SSH2: variants seen among roughly 807,000 people sequenced by gnomAD.
SSH2 encodes the protein slingshot protein phosphatase 2, also known as protein phosphatase Slingshot homolog 2.
In SSH2, 37 loss-of-function variants were observed where a neutral mutation model predicts 135.2. That is an observed-to-expected ratio of 0.27 (90% CI 0.21 to 0.36). The LOEUF (loss-of-function observed/expected upper bound fraction) is 0.36. Among genes scored for constraint, SSH2 ranks in the 10% least tolerant of loss-of-function variants. SSH2 has a pLI of 1.00. For missense variants in SSH2, 1,408 were observed against 1,765.3 expected, an observed-to-expected ratio of 0.80 and a Z score of 3.63; for synonymous variants, 628 against 646.2, an observed-to-expected ratio of 0.97 and a Z score of 0.43.
At chr17:29,888,126 T>C (rs1467953456) in intron 1 of SSH2, among the ~76,000 whole-genome samples, 2 of 152,144 alleles carry the variant, frequency 1.3e-5, no homozygotes, top group Admixed American at 6.5e-5. Context: ...TAGTCCCAGC[T>C]ACTCAGGAGG....
chr17:29,925,571 A>G (rs2067049502), intron 1 of SSH2: 1 of 398,228 alleles, frequency 2.5e-6, no homozygotes, highest in Admixed American at 4.4e-5. Context: ...AAGAAAAAAA[A>G]TTAAAATTAG....
intron 1 of SSH2, among the ~76,000 whole-genome samples, chr17:29,868,331 C>A (rs1244462375): frequency 1.3e-5 from 2 of 152,112 alleles, no homozygotes; most frequent in African/African-American, 4.8e-5. Flanking sequence ...CACATTTTGT[C>A]CTAGTCTGCC....
chr17:29,905,078 T>C (rs2066628646), intron 1 of SSH2, among the ~76,000 whole-genome samples: 1 of 152,196 alleles, frequency 6.6e-6, no homozygotes, highest in African/African-American at 2.4e-5. Flanking sequence ...CTTAAAGTAA[T>C]TAATAGATTC....
At chr17:29,832,814 G>A (rs1465030507) in intron 2 of SSH2, among the ~76,000 whole-genome samples, 1 of 152,054 alleles carries the variant, frequency 6.6e-6, no homozygotes, top group East Asian at 1.9e-4. Context: ...TCACAGGTGT[G>A]CACCACCACA....
At chr17:29,845,368 G>C (rs1329641012) in intron 2 of SSH2, among the ~76,000 whole-genome samples, 1 of 152,126 alleles carries the variant, frequency 6.6e-6, no homozygotes. Context: ...ATTTGACATG[G>C]GGGTGGGAAC....
chr17:29,634,942 A>G (rs942653282), intron 15 of SSH2, among the ~76,000 whole-genome samples: 2 of 151,662 alleles, frequency 1.3e-5, no homozygotes, highest in Non-Finnish European at 2.9e-5. Flanking sequence ...ACACTCTGTC[A>G]TCCAAGCTGG....
chr17:29,803,418 CA>C (rs1000146532), intron 2 of SSH2, among the ~76,000 whole-genome samples: 3 of 152,132 alleles, frequency 2.0e-5, no homozygotes, highest in Non-Finnish European at 4.4e-5. Flanking sequence ...AGTGCCTAAA[CA>C]TGATTTCTAA....
At chr17:29,654,563 T>C (rs1403029373) in intron 12 of SSH2, among the ~76,000 whole-genome samples, 3 of 152,206 alleles carry the variant, frequency 2.0e-5, no homozygotes, top group Non-Finnish European at 4.4e-5. Context: ...CTTTCCACAA[T>C]GAGTTAGCAT....
intron 3 of SSH2, among the ~76,000 whole-genome samples, chr17:29,723,946 C>G (rs993964569): frequency 2.0e-5 from 3 of 152,156 alleles, no homozygotes; most frequent in Non-Finnish European, 4.4e-5. Context: ...CATCTACCTT[C>G]TGGGCAAACT....
intron 2 of SSH2, among the ~76,000 whole-genome samples, chr17:29,820,385 C>T (rs1200454150): frequency 1.3e-5 from 2 of 152,186 alleles, no homozygotes; most frequent in Non-Finnish European, 2.9e-5. Context: ...GAACATGGGA[C>T]ATGTCCATTC....
intron 1 of SSH2, among the ~76,000 whole-genome samples, chr17:29,910,154 C>T (rs2066739623): frequency 6.6e-6 from 1 of 152,092 alleles, no homozygotes; most frequent in Non-Finnish European, 1.5e-5. Flanking sequence ...CTATGTTGCC[C>T]AGGCTGGTTT....
rs1164344692 is a variant in SSH2, at chr17:29,761,074, A to G, written c.188+32820T>C. The stretch of plus-strand genomic sequence containing the variant: ...CTCGCTTGATTGTTTGCTCCCCAGG[A>G]TGCTGGGGAAAGCGGCTGCTGAAAG... On this transcript the variant is annotated intron_variant, in intron 3 of 15. Coordinates refer to ENST00000540801, the MANE Select transcript of SSH2 (RefSeq NM_001282129.2). 3 of 1,275,032 alleles carry G rather than the reference A, an allele frequency of 2.4e-6. No individual in the cohort carries two copies. In the African/African-American group the frequency reaches 4.6e-5, roughly 20 times the overall value. The allele number at this position is 1,275,032 out of a possible 1,614,324, so 79.0% of individuals were successfully genotyped here. A position where few individuals can be genotyped will look rare whatever the true frequency, so the allele number is the denominator to read the frequency against.
At chr17:29,810,473 T>C (rs1005287279) in intron 2 of SSH2, among the ~76,000 whole-genome samples, 1 of 152,240 alleles carries the variant, frequency 6.6e-6, no homozygotes, top group African/African-American at 2.4e-5. Flanking sequence ...TTTAAATAAG[T>C]TTCCCAGAAA....
At chr17:29,688,554 T>G (rs1363557401) in intron 5 of SSH2, among the ~76,000 whole-genome samples, 1 of 152,022 alleles carries the variant, frequency 6.6e-6, no homozygotes, top group Non-Finnish European at 1.5e-5. Context: ...AACCTCTGCC[T>G]CCCGGGGTCC....
chr17:29,696,367 CCATA>C (rs1018397770), intron 4 of SSH2, among the ~76,000 whole-genome samples: 32 of 146,858 alleles, frequency 2.2e-4, no homozygotes, highest in African/African-American at 7.7e-4. Flanking sequence ...CTCATAATAT[CCATA>C]CATATAAATA....
At chr17:29,713,864 C>T (rs79942970) in intron 3 of SSH2, among the ~76,000 whole-genome samples, 2,166 of 152,178 alleles carry the variant, frequency 0.014, 64 homozygotes, top group African/African-American at 0.049. Context: ...CCACCACCTC[C>T]CTCACCCCCA....
At chr17:29,758,320 A>C (rs2041194778) in intron 3 of SSH2, among the ~76,000 whole-genome samples, 1 of 152,208 alleles carries the variant, frequency 6.6e-6, no homozygotes, top group South Asian at 2.1e-4. Flanking sequence ...CTGGATTCTA[A>C]GGACAGTTTT....
intron 1 of SSH2, among the ~76,000 whole-genome samples, chr17:29,892,139 G>A (rs924174661): frequency 6.6e-6 from 1 of 151,786 alleles, no homozygotes; most frequent in Non-Finnish European, 1.5e-5. Flanking sequence ...TTGGGCTCAA[G>A]CAATCCTCCT....
intron 1 of SSH2, chr17:29,925,312 G>C (rs1204360866): frequency 5.2e-6 from 2 of 384,200 alleles, no homozygotes; most frequent in Non-Finnish European, 9.2e-6. Flanking sequence ...TGGGAGAATG[G>C]GGAGGAGATG....
Sources: allele counts gnomAD v4.1 joint callset (sites outside exome capture counted in the v4.1 genomes callset), GRCh38; gene constraint gnomAD v4.1.1; transcripts MANE v1.5; gene names NCBI Gene and HGNC (gene_info 2026-07-23, HGNC 2026-07-21).